The following GRHL2 variants were observed in gnomAD, a reference collection of about 807,000 sequenced individuals.
GRHL2 encodes grainyhead like transcription factor 2, also known as grainyhead-like protein 2 homolog.
In GRHL2, 21 loss-of-function variants were observed where a neutral mutation model predicts 83.8. That is an observed-to-expected ratio of 0.25 (90% CI 0.18 to 0.36). The LOEUF is 0.36. Among genes scored for constraint, GRHL2 ranks in the 10% least tolerant of loss-of-function variants. GRHL2 has a pLI of 1.00. For synonymous variants in GRHL2, 280 were observed against 278.9 expected (o/e 1.00, Z -0.04); for missense variants, 623 against 781.8 (o/e 0.80, Z 2.42).
At chr8:101,564,968 C>T (rs1811686604) in intron 4 of GRHL2, among the ~76,000 whole-genome samples, 1 of 152,138 alleles carries the variant, frequency 6.6e-6, no homozygotes, top group Non-Finnish European at 1.5e-5. Flanking sequence ...GGGCAAAATG[C>T]ATACTGGTTT....
chr8:101,596,915 T>C (rs1366955122), intron 7 of GRHL2, among the ~76,000 whole-genome samples: 1 of 152,178 alleles, frequency 6.6e-6, no homozygotes, highest in African/African-American at 2.4e-5. Context: ...AAAATTTCCA[T>C]AGGGGGAAAC....
At chr8:101,629,407 C>T (rs537589653) in intron 9 of GRHL2, among the ~76,000 whole-genome samples, 30 of 151,846 alleles carry the variant, frequency 2.0e-4, no homozygotes, top group Non-Finnish European at 3.2e-4. Flanking sequence ...AACATAACCT[C>T]TCTATGCACT....
At chr8:101,640,112 G>T (rs1298845080) in intron 12 of GRHL2, among the ~76,000 whole-genome samples, 2 of 152,146 alleles carry the variant, frequency 1.3e-5, no homozygotes, top group Admixed American at 1.3e-4. Context: ...CTGCACAATC[G>T]AATCACCTGG....
intron 9 of GRHL2, 93 bp from the exon 10 acceptor site, chr8:101,631,544 T>C (rs1007802501): frequency 9.9e-7 from 1 of 1,012,730 alleles, no homozygotes; most frequent in African/African-American, 1.6e-5. Context: ...CTCCCCTGTA[T>C]TGTTTCATAT....
chr8:101,556,302 C>A (rs1476566850), intron 3 of GRHL2, among the ~76,000 whole-genome samples: 1 of 151,986 alleles, frequency 6.6e-6, no homozygotes, highest in Non-Finnish European at 1.5e-5. Flanking sequence ...ATGAGAGATG[C>A]CACAAAGCCC....
At chr8:101,586,433 T>C (rs1263265444) in intron 7 of GRHL2, among the ~76,000 whole-genome samples, 1 of 152,218 alleles carries the variant, frequency 6.6e-6, no homozygotes, top group Non-Finnish European at 1.5e-5. Flanking sequence ...CTCTCTCGCT[T>C]CTTCACCTGG....
At chr8:101,573,894 T>A in intron 6 of GRHL2, 70 bp downstream of exon 6, 3 of 1,511,994 alleles carry the variant, frequency 2.0e-6, no homozygotes, top group Non-Finnish European at 2.8e-6. Flanking sequence ...CACAGCCTTG[T>A]GGAATGGCAT....
chr8:101,677,348 C>T, the GRHL2 span, among the ~76,000 whole-genome samples: 1 of 151,986 alleles, frequency 6.6e-6, no homozygotes, highest in Admixed American at 6.6e-5. Context: ...GTGTAAGCTA[C>T]TTTGTAATTG....
chr8:101,649,649 C>T (rs1813582361), intron 14 of GRHL2, 150 bp downstream of exon 14: 5 of 706,618 alleles, frequency 7.1e-6, no homozygotes, highest in Non-Finnish European at 1.3e-5. Context: ...GCATTGATCT[C>T]GCTACTGTCA....
chr8:101,510,712 A>G (rs1810443910), intron 1 of GRHL2, among the ~76,000 whole-genome samples: 1 of 152,214 alleles, frequency 6.6e-6, no homozygotes, highest in South Asian at 2.1e-4. Flanking sequence ...TTTCAATAGA[A>G]CTTTAACAAT....
intron 7 of GRHL2, among the ~76,000 whole-genome samples, chr8:101,593,301 G>A (rs1051622314): frequency 4.2e-4 from 64 of 152,138 alleles, no homozygotes; most frequent in African/African-American, 1.5e-3. Context: ...CATCATGCCT[G>A]TTTTGGGAAA....
intron 8 of GRHL2, among the ~76,000 whole-genome samples, chr8:101,606,771 T>TC (rs1812642248): frequency 6.6e-6 from 1 of 152,154 alleles, no homozygotes; most frequent in Admixed American, 6.5e-5. Context: ...ACTCACCTCC[T>TC]CTCTCAGTGT....
At chr8:101,637,269 T>C (rs751339602) in intron 12 of GRHL2, among the ~76,000 whole-genome samples, 1 of 152,150 alleles carries the variant, frequency 6.6e-6, no homozygotes, top group Non-Finnish European at 1.5e-5. Flanking sequence ...TTCTTACCTA[T>C]TGTTTGGCCC....
At chr8:101,554,790 T>C (rs1001440004) in intron 3 of GRHL2, among the ~76,000 whole-genome samples, 11 of 152,254 alleles carry the variant, frequency 7.2e-5, no homozygotes, top group African/African-American at 2.7e-4. Flanking sequence ...ATTTTTCTTG[T>C]ATTATAATAT....
intron 8 of GRHL2, among the ~76,000 whole-genome samples, chr8:101,611,176 C>T (rs1334534868): frequency 6.6e-6 from 1 of 151,076 alleles, no homozygotes; most frequent in African/African-American, 2.5e-5. Context: ...GCTGTTTTCA[C>T]ATATTATGTC....
downstream of GRHL2, among the ~76,000 whole-genome samples, chr8:101,674,385 G>A (rs1343925361): frequency 1.3e-5 from 2 of 152,158 alleles, no homozygotes; most frequent in Admixed American, 1.3e-4. Context: ...TGTCACCACT[G>A]ATCCCACAGA....
At chr8:101,548,639 G>A (rs535903024) in intron 2 of GRHL2, among the ~76,000 whole-genome samples, 1 of 152,346 alleles carries the variant, frequency 6.6e-6, no homozygotes, top group African/African-American at 2.4e-5. Context: ...TGATGTGCCT[G>A]CAGGATGTCC....
At chr8:101,591,362 C>G (rs1359901786) in intron 7 of GRHL2, among the ~76,000 whole-genome samples, 1 of 152,180 alleles carries the variant, frequency 6.6e-6, no homozygotes, top group East Asian at 1.9e-4. Context: ...TTCTTTCGAT[C>G]TTCACAGTGC....
intron 15 of GRHL2, among the ~76,000 whole-genome samples, chr8:101,665,708 G>A (rs1012454567): frequency 1.3e-5 from 2 of 152,170 alleles, no homozygotes; most frequent in African/African-American, 4.8e-5. Flanking sequence ...AAAACAATCC[G>A]TTAAAGCTAA....
Sources: allele counts gnomAD v4.1 joint callset (sites outside exome capture counted in the v4.1 genomes callset), GRCh38; gene constraint gnomAD v4.1.1; transcripts MANE v1.5; gene names NCBI Gene and HGNC (gene_info 2026-07-23, HGNC 2026-07-21).